EYS: variants seen among roughly 807,000 people sequenced by gnomAD.
EYS encodes the protein EGF-like photoreceptor maintenance factor, also known as protein eyes shut homolog.
A neutral mutation model predicts 282.1 loss-of-function variants in EYS; 250 were observed. That is an observed-to-expected ratio of 0.89 (90% CI 0.80 to 0.98). The LOEUF is 0.98. Ranked by LOEUF, EYS falls within the 50% of genes least tolerant of loss-of-function variation. The pLI is 0.00. For synonymous variants in EYS, 1,355 were observed against 1,282.9 expected, an observed-to-expected ratio of 1.06 and a Z score of -1.20; for missense variants, 4,016 against 3,709.0, an observed-to-expected ratio of 1.08 and a Z score of -2.15.
At chr6:63,987,347 C>A (rs766441011) in intron 34 of EYS, among the ~76,000 whole-genome samples, 3 of 151,666 alleles carry the variant, frequency 2.0e-5, no homozygotes, top group Non-Finnish European at 4.4e-5. Flanking sequence ...GGAACTGATA[C>A]TGAGTACAAT....
At chr6:65,450,314 C>T (rs1433424277) in intron 5 of EYS, among the ~76,000 whole-genome samples, 1 of 151,992 alleles carries the variant, frequency 6.6e-6, no homozygotes, top group Non-Finnish European at 1.5e-5. Flanking sequence ...GTAACTTTAT[C>T]CTAGGTACAG....
intron 26 of EYS, among the ~76,000 whole-genome samples, chr6:64,527,881 A>T (rs1280463780): frequency 6.6e-6 from 1 of 151,824 alleles, no homozygotes; most frequent in East Asian, 1.9e-4. Flanking sequence ...AAATCACAGG[A>T]GAGTACCAAT....
intron 22 of EYS, among the ~76,000 whole-genome samples, chr6:64,776,510 C>A (rs540862575): frequency 1.3e-5 from 2 of 151,872 alleles, no homozygotes; most frequent in African/African-American, 4.8e-5. Context: ...ATCTGAAAGG[C>A]TTTCTATTCT....
chr6:65,292,461 T>C (rs1018538968), intron 12 of EYS, among the ~76,000 whole-genome samples: 1 of 151,738 alleles, frequency 6.6e-6, no homozygotes, highest in Non-Finnish European at 1.5e-5. Flanking sequence ...ACACCCAACA[T>C]GAAGTAGTTC....
rs34154043 is a variant in EYS, at chr6:65,405,388, G to GAA, written c.863-23_863-22dup. 0.21 allele frequency: 307,420 copies of GAA among 1,469,002 alleles called. 20,765 individuals carry two copies. The highest frequency in any genetic ancestry group is 0.3 in the South Asian group (24,282 of 80,680). 91.0% of individuals were successfully genotyped at this position (1,469,002 alleles called of 1,614,324 possible). A position where few individuals can be genotyped will look rare whatever the true frequency, so the allele number is the denominator to read the frequency against. On this transcript the variant is annotated intron_variant, in intron 5 of 42. Coordinates refer to ENST00000503581, the MANE Select transcript of EYS (RefSeq NM_001142800.2). The stretch of plus-strand genomic sequence containing the variant: ...TGGACCTTAAAAAAATCACACACAA[G>GAA]AAAAAAAAAGAAAAGGAAGGAAGGA...
chr6:65,462,144 T>C (rs1485509804), intron 5 of EYS, among the ~76,000 whole-genome samples: 1 of 152,110 alleles, frequency 6.6e-6, no homozygotes, highest in Non-Finnish European at 1.5e-5. Flanking sequence ...TAAAAATAAG[T>C]GAACTATAAA....
chr6:65,065,622 A>G (rs1773723041), intron 12 of EYS, among the ~76,000 whole-genome samples: 1 of 151,734 alleles, frequency 6.6e-6, no homozygotes, highest in South Asian at 2.1e-4. Flanking sequence ...CTGACCTGTG[A>G]TCTGCCCGCC....
intron 11 of EYS, chr6:65,330,985 A>C: frequency 5.1e-6 from 5 of 984,214 alleles, no homozygotes; most frequent in Non-Finnish European, 6.0e-6. Flanking sequence ...TCCCGTATAT[A>C]CTCGGGTTGT....
intron 35 of EYS, among the ~76,000 whole-genome samples, chr6:63,881,724 C>T (rs930111934): frequency 1.3e-5 from 2 of 152,170 alleles, no homozygotes; most frequent in Admixed American, 6.6e-5. Context: ...AATGTTATTT[C>T]CATTACTTAT....
At chr6:64,677,619 A>G (rs1346151102) in intron 22 of EYS, among the ~76,000 whole-genome samples, 1 of 152,186 alleles carries the variant, frequency 6.6e-6, no homozygotes, top group African/African-American at 2.4e-5. Flanking sequence ...CTTTGCAATT[A>G]GAAAATATGC....
At chr6:65,135,277 A>G (rs932067366) in intron 12 of EYS, among the ~76,000 whole-genome samples, 9 of 152,082 alleles carry the variant, frequency 5.9e-5, no homozygotes, top group African/African-American at 2.2e-4. Context: ...TACATTCCCT[A>G]TGTTATCCTC....
intron 26 of EYS, among the ~76,000 whole-genome samples, chr6:64,450,212 T>C (rs1775274919): frequency 6.6e-6 from 1 of 151,948 alleles, no homozygotes; most frequent in Non-Finnish European, 1.5e-5. Flanking sequence ...GCAATCCTAG[T>C]CTCTGATAAA....
chr6:63,779,095 AGTTTAT>A lies in EYS; in HGVS notation c.7724-921_7724-916del, dbSNP rs1002957697. ...AGTTTTTTTTTTTTTTAGGTAAAGAAGTTTATGTTTATGTTGTCACATTTTTCTCTT... is the reference window on the plus strand; with the variant it reads ...AGTTTTTTTTTTTTTTAGGTAAAGAAGTTTATGTTGTCACATTTTTCTCTT... On this transcript the variant is annotated intron_variant, in intron 39 of 42. Coordinates refer to ENST00000503581, the MANE Select transcript of EYS (RefSeq NM_001142800.2). 14 of 150,910 alleles carry A rather than the reference AGTTTAT, an allele frequency of 9.3e-5. 1 individual carries two copies. Among genetic ancestry groups the A allele is most frequent in the East Asian group, 7.7e-4 (4 of 5,180 alleles). 9.3% of individuals were successfully genotyped at this position (150,910 alleles called of 1,614,324 possible). A position where few individuals can be genotyped will look rare whatever the true frequency, so the allele number is the denominator to read the frequency against.
chr6:64,588,783 A>G (rs1192564230), intron 26 of EYS, among the ~76,000 whole-genome samples: 2 of 152,084 alleles, frequency 1.3e-5, no homozygotes, highest in Non-Finnish European at 2.9e-5. Flanking sequence ...GGATGAACAT[A>G]TTGGAAAATG....
intron 26 of EYS, among the ~76,000 whole-genome samples, chr6:64,575,953 C>T (rs1400342132): frequency 5.3e-5 from 8 of 151,654 alleles, no homozygotes; most frequent in Admixed American, 5.3e-4. Context: ...TAGTGGTAGC[C>T]CTATATTATA....
At chr6:64,309,890 TGGA>T (rs1243630589) in intron 29 of EYS, among the ~76,000 whole-genome samples, 1 of 151,044 alleles carries the variant, frequency 6.6e-6, no homozygotes, top group Non-Finnish European at 1.5e-5. Context: ...GCTTAAACCT[TGGA>T]GGAGGAGGTT....
chr6:64,314,667 G>A (rs1290936266), intron 29 of EYS, among the ~76,000 whole-genome samples: 1 of 152,136 alleles, frequency 6.6e-6, no homozygotes, highest in South Asian at 2.1e-4. Context: ...TGTACAACTT[G>A]CTCCTGAGTG....
At chr6:65,057,780 C>A (rs1773461630) in intron 12 of EYS, 53 bp from the exon 13 acceptor site, 3 of 1,218,060 alleles carry the variant, frequency 2.5e-6, no homozygotes, top group Admixed American at 4.0e-5. Flanking sequence ...AGGCATGTAT[C>A]AAGTCGTAAT....
At chr6:64,732,062 C>G (rs766832562) in intron 22 of EYS, among the ~76,000 whole-genome samples, 4 of 151,822 alleles carry the variant, frequency 2.6e-5, no homozygotes, top group Non-Finnish European at 5.9e-5. Context: ...AACAGAGGAA[C>G]AGAAAACCAA....
Sources: allele counts gnomAD v4.1 joint callset (sites outside exome capture counted in the v4.1 genomes callset), GRCh38; gene constraint gnomAD v4.1.1; transcripts MANE v1.5; gene names NCBI Gene and HGNC (gene_info 2026-07-23, HGNC 2026-07-21).